BMPER: variants seen among roughly 807,000 people sequenced by gnomAD.
The protein encoded by BMPER is BMP-binding endothelial regulator protein.
A neutral mutation model predicts 87.3 loss-of-function variants in BMPER; 45 were observed. That is an observed-to-expected ratio of 0.52 (90% CI 0.41 to 0.66). The LOEUF is 0.66. BMPER is among the 30% of genes least tolerant of loss of function. The probability of loss-of-function intolerance (pLI) is 0.00; values close to 1 mark genes in which losing one functional copy is unlikely to be tolerated. For synonymous variants in BMPER, 326 were observed against 316.2 expected (o/e 1.03, Z -0.33); for missense variants, 784 against 867.5 (o/e 0.90, Z 1.21).
At chr7:33,975,768 C>G (rs1279799306) in intron 6 of BMPER, among the ~76,000 whole-genome samples, 3 of 152,116 alleles carry the variant, frequency 2.0e-5, no homozygotes. Context: ...GCTAATTTCA[C>G]CAAAGCAGAA....
At position 34,154,718 on chromosome 7, in the gene BMPER, C is replaced by T. The variant is rs1791268774; in HGVS notation, c.*1445C>T. The stretch of plus-strand genomic sequence containing the variant: ...ATTTATGTTTCTTTTACATTCATGA[C>T]AGCTAAAGTATTAACTTGGAATTTT... On this transcript the variant is annotated 3_prime_UTR_variant, in exon 15 of 15. Coordinates refer to ENST00000649409, the MANE Select transcript of BMPER (RefSeq NM_001365308.1). 1 of 151,558 alleles carries T rather than the reference C, an allele frequency of 6.6e-6. No homozygotes were observed. The highest frequency in any genetic ancestry group is 1.5e-5 in the Non-Finnish European group (1 of 67,948). 9.4% of individuals were successfully genotyped at this position (151,558 alleles called of 1,614,324 possible). A position where few individuals can be genotyped will look rare whatever the true frequency, so the allele number is the denominator to read the frequency against.
At chr7:34,001,414 G>A (rs1300122194) in intron 6 of BMPER, among the ~76,000 whole-genome samples, 2 of 151,818 alleles carry the variant, frequency 1.3e-5, no homozygotes. Flanking sequence ...AGTAGTTTGT[G>A]TGTTTCTAGG....
intron 6 of BMPER, among the ~76,000 whole-genome samples, chr7:33,991,875 C>T (rs1210818202): frequency 1.2e-4 from 17 of 142,830 alleles, no homozygotes; most frequent in Non-Finnish European, 2.6e-4. Flanking sequence ...TCGTTATGTA[C>T]CCAGTAGTCA....
At chr7:34,065,423 C>A (rs972682775) in intron 11 of BMPER, among the ~76,000 whole-genome samples, 3 of 152,112 alleles carry the variant, frequency 2.0e-5, no homozygotes, top group African/African-American at 4.8e-5. Context: ...TTGTGACAAT[C>A]AAAAATATCT....
chr7:34,120,289 CAA>C (rs1396493896), intron 13 of BMPER, among the ~76,000 whole-genome samples: 7 of 151,830 alleles, frequency 4.6e-5, no homozygotes, highest in African/African-American at 9.7e-5. Flanking sequence ...ACTCAGACTC[CAA>C]AAGTCTCAAG....
chr7:33,919,361 G>C (rs1169314570), intron 2 of BMPER, among the ~76,000 whole-genome samples: 3 of 152,212 alleles, frequency 2.0e-5, no homozygotes, highest in Non-Finnish European at 4.4e-5. Flanking sequence ...TTATTGCGAT[G>C]TACCTGAATG....
intron 13 of BMPER, among the ~76,000 whole-genome samples, chr7:34,101,734 C>T (rs1789687201): frequency 6.6e-6 from 1 of 152,160 alleles, no homozygotes; most frequent in Admixed American, 6.5e-5. Context: ...TCCTGTCATG[C>T]TGGTCCATGT....
chr7:34,022,711 A>G (rs1047975182), intron 6 of BMPER, among the ~76,000 whole-genome samples: 70 of 151,648 alleles, frequency 4.6e-4, no homozygotes, highest in African/African-American at 1.6e-3. Flanking sequence ...TTGCCAAAAA[A>G]AAAAAAAAAA....
chr7:34,075,865 C>T (rs1196284081), intron 11 of BMPER, among the ~76,000 whole-genome samples: 1 of 152,206 alleles, frequency 6.6e-6, no homozygotes, highest in East Asian at 1.9e-4. Flanking sequence ...CTCTAGTGCA[C>T]AAGTTCACTG....
intron 12 of BMPER, among the ~76,000 whole-genome samples, chr7:34,084,974 C>T (rs983251103): frequency 3.9e-5 from 6 of 152,232 alleles, no homozygotes; most frequent in African/African-American, 1.2e-4. Context: ...ACCAGCAGTA[C>T]TGGCCTGCTG....
At chr7:34,065,229 TCTCTCTCTCTCTCTCTCTCC>T (rs1788551050) in intron 11 of BMPER, among the ~76,000 whole-genome samples, 3 of 150,276 alleles carry the variant, frequency 2.0e-5, no homozygotes, top group South Asian at 2.1e-4. Context: ...TCTCTCTCTC[TCTCTCTCTCTCTCTCTCTCC>T]CTCTCTCTCT....
At chr7:34,046,187 C>A in intron 6 of BMPER, 119 bp from the exon 7 acceptor site, 1 of 919,180 alleles carries the variant, frequency 1.1e-6, no homozygotes, top group Non-Finnish European at 1.8e-6. Context: ...TGGGCCTGAG[C>A]AGTCAGTCTA....
chr7:34,063,911 T>C (rs1309982586), intron 11 of BMPER, among the ~76,000 whole-genome samples: 1 of 152,228 alleles, frequency 6.6e-6, no homozygotes, highest in Non-Finnish European at 1.5e-5. Flanking sequence ...CAGTTAACTC[T>C]TTCAATTTGC....
chr7:34,101,783 G>T (rs964913269), intron 13 of BMPER, among the ~76,000 whole-genome samples: 1 of 152,136 alleles, frequency 6.6e-6, no homozygotes, highest in African/African-American at 2.4e-5. Context: ...TTCAGGACTG[G>T]GTAAGAGGCC....
intron 2 of BMPER, among the ~76,000 whole-genome samples, chr7:33,908,926 C>G (rs565642078): frequency 1.3e-5 from 2 of 152,234 alleles, no homozygotes; most frequent in African/African-American, 4.8e-5. Flanking sequence ...CCACTTATCT[C>G]TTTGTATAAC....
chr7:33,963,919 G>A (rs1785338713), intron 3 of BMPER, among the ~76,000 whole-genome samples: 1 of 152,172 alleles, frequency 6.6e-6, no homozygotes, highest in Admixed American at 6.5e-5. Flanking sequence ...TGGCCAATAA[G>A]AGATAGTATA....
intron 11 of BMPER, among the ~76,000 whole-genome samples, chr7:34,066,430 A>G (rs1788594308): frequency 6.6e-6 from 1 of 152,238 alleles, no homozygotes; most frequent in Non-Finnish European, 1.5e-5. Context: ...ACTGAAAAGA[A>G]TTAGATTTGA....
chr7:33,970,601 T>C (rs1767258946), intron 5 of BMPER, among the ~76,000 whole-genome samples, 182 bp downstream of exon 5: 1 of 152,188 alleles, frequency 6.6e-6, no homozygotes, highest in Admixed American at 6.5e-5. Flanking sequence ...CCAGCATGAA[T>C]GCAATGTGCT....
intron 13 of BMPER, among the ~76,000 whole-genome samples, chr7:34,132,596 G>C (rs1790622985): frequency 6.6e-6 from 1 of 152,194 alleles, no homozygotes; most frequent in African/African-American, 2.4e-5. Context: ...TCTATGTTGG[G>C]AGTAGAATTA....
Sources: allele counts gnomAD v4.1 joint callset (sites outside exome capture counted in the v4.1 genomes callset), GRCh38; gene constraint gnomAD v4.1.1; transcripts MANE v1.5; gene names NCBI Gene and HGNC (gene_info 2026-07-23, HGNC 2026-07-21).